ATXN7: variants seen among roughly 807,000 people sequenced by gnomAD.
The protein encoded by ATXN7 is ataxin 7, also known as ataxin-7.
ATXN7 carries 12 observed loss-of-function variants against 70.5 expected under a neutral mutation model. The observed-to-expected ratio is 0.17, with a 90% confidence interval of 0.11 to 0.28. The LOEUF (loss-of-function observed/expected upper bound fraction) is 0.28. Ranked by LOEUF, ATXN7 falls within the 10% of genes least tolerant of loss-of-function variation. ATXN7 has a pLI of 1.00. For synonymous variants in ATXN7, 498 were observed against 448.7 expected (o/e 1.11, Z -1.39); for missense variants, 1,256 against 1,131.7 (o/e 1.11, Z -1.58).
chr3:63,867,664 G>C (rs1702474679), intron 1 of ATXN7, among the ~76,000 whole-genome samples: 1 of 151,122 alleles, frequency 6.6e-6, no homozygotes. Context: ...GAGGCGGGTG[G>C]ATCATTTGAG....
intron 4 of ATXN7, among the ~76,000 whole-genome samples, chr3:63,949,171 CT>C (rs2074913505): frequency 1.3e-5 from 2 of 151,842 alleles, no homozygotes; most frequent in Admixed American, 1.3e-4. Flanking sequence ...TATTTCATTT[CT>C]TTCTGTTGCC....
Position 64,000,406 on chromosome 3 carries a change from G to T in ATXN7, c.*939G>T, listed in dbSNP as rs1008401155. 1 of 152,410 alleles carries T rather than the reference G, an allele frequency of 6.6e-6. No individual in the cohort carries two copies. The highest frequency in any genetic ancestry group is 1.5e-5 in the Non-Finnish European group (1 of 67,976). 9.4% of individuals were successfully genotyped at this position (152,410 alleles called of 1,614,324 possible). ...TCATAGTAAACAGTATGGCAGATTG[G>T]GTTGGTTGTCCTACCTGGTCTATTT... On this transcript the variant is annotated 3_prime_UTR_variant, in exon 13 of 13. Coordinates refer to ENST00000674280, the MANE Select transcript of ATXN7 (RefSeq NM_001377405.1).
At chr3:63,883,548 AAAAC>A (rs1702983288) in intron 1 of ATXN7, among the ~76,000 whole-genome samples, 1 of 152,198 alleles carries the variant, frequency 6.6e-6, no homozygotes, top group Non-Finnish European at 1.5e-5. Context: ...ATTAAAAAAA[AAAAC>A]AAACTAGTTG....
rs1445612378 is a variant in ATXN7 at position 63,995,968 on chromosome 3, C to A, written c.2146C>A (p.His716Asn). Residue 716 changes from histidine (H) to asparagine (N), a missense_variant, in exon 12 of 13, where the codon CAC (histidine) becomes AAC (asparagine). Coordinates refer to ENST00000674280, the MANE Select transcript of ATXN7 (RefSeq NM_001377405.1). ...KRKNSSPLLV[H>N]SSSSSSSSSS... Reference sequence around the variant, plus strand: ...CAAAAACAGTTCCCCACTGTTGGTTCACTCTTCCTCCTCCTCTTCCTCCTC... The same window carrying A: ...CAAAAACAGTTCCCCACTGTTGGTTAACTCTTCCTCCTCCTCTTCCTCCTC... 2 of 1,614,006 alleles carry A rather than the reference C, an allele frequency of 1.2e-6. No individual in the cohort carries two copies. Among genetic ancestry groups the A allele is most frequent in the Non-Finnish European group, 1.7e-6 (2 of 1,179,978 alleles).
intron 11 of ATXN7, among the ~76,000 whole-genome samples, chr3:63,993,032 G>A (rs1198268671): frequency 6.6e-6 from 1 of 152,160 alleles, no homozygotes; most frequent in Non-Finnish European, 1.5e-5. Context: ...CAGGGTTATT[G>A]TGGTAAAATT....
intron 4 of ATXN7, among the ~76,000 whole-genome samples, chr3:63,930,247 C>T (rs1317561078): frequency 3.9e-5 from 6 of 152,086 alleles, no homozygotes; most frequent in African/African-American, 7.2e-5. Context: ...TATTTTTATT[C>T]CCAAATCCCC....
chr3:63,962,582 T>A (rs2075148258), intron 5 of ATXN7, among the ~76,000 whole-genome samples: 1 of 151,910 alleles, frequency 6.6e-6, no homozygotes, highest in South Asian at 2.1e-4. Flanking sequence ...TTTGTGCATT[T>A]TTAGTAGAGA....
intron 4 of ATXN7, among the ~76,000 whole-genome samples, chr3:63,925,796 G>A (rs950943854): frequency 3.3e-5 from 5 of 152,332 alleles, no homozygotes; most frequent in African/African-American, 7.2e-5. Context: ...TGGAAGAGGC[G>A]AATGGGGAGA....
At chr3:63,976,404 C>G (rs1175146704) in intron 5 of ATXN7, among the ~76,000 whole-genome samples, 2 of 152,210 alleles carry the variant, frequency 1.3e-5, no homozygotes, top group Admixed American at 1.3e-4. Flanking sequence ...ATCTCAGTTA[C>G]TTACACACAC....
At chr3:63,961,346 C>T (rs1005981020) in intron 5 of ATXN7, among the ~76,000 whole-genome samples, 1 of 152,142 alleles carries the variant, frequency 6.6e-6, no homozygotes, top group African/African-American at 2.4e-5. Flanking sequence ...AACCTGACTC[C>T]TGTTGATGGA....
At chr3:63,990,103 T>A (rs947303369) in intron 9 of ATXN7, 73 bp from the exon 10 acceptor site, 4 of 1,455,864 alleles carry the variant, frequency 2.7e-6, no homozygotes, top group Non-Finnish European at 2.9e-6. Flanking sequence ...TTGGACACAC[T>A]GTTGTATCTC....
chr3:63,921,449 G>A (rs1481408347), intron 4 of ATXN7, among the ~76,000 whole-genome samples: 3 of 152,188 alleles, frequency 2.0e-5, no homozygotes, highest in Non-Finnish European at 4.4e-5. Context: ...CCTCAAAAAA[G>A]TATGAGAACA....
At chr3:63,899,588 A>G (rs1703553336) in intron 2 of ATXN7, among the ~76,000 whole-genome samples, 1 of 151,994 alleles carries the variant, frequency 6.6e-6, no homozygotes, top group Admixed American at 6.5e-5. Flanking sequence ...TCTGGCCAAC[A>G]TAGCTACACC....
intron 4 of ATXN7, among the ~76,000 whole-genome samples, chr3:63,945,430 G>A (rs936383610): frequency 1.8e-4 from 28 of 152,288 alleles, no homozygotes; most frequent in African/African-American, 6.7e-4. Flanking sequence ...CTGCCTCTAG[G>A]TATAAAATGT....
chr3:63,943,031 TAATG>T (rs1433374847), intron 4 of ATXN7, among the ~76,000 whole-genome samples: 1 of 152,194 alleles, frequency 6.6e-6, no homozygotes, highest in Non-Finnish European at 1.5e-5. Context: ...GTTTAAATCT[TAATG>T]AAGGAGATAG....
intron 12 of ATXN7, chr3:63,997,730 C>T (rs2075783141): frequency 6.5e-7 from 1 of 1,546,968 alleles, no homozygotes; most frequent in East Asian, 2.4e-5. Context: ...TCCTCGTCTT[C>T]AGAACTTAAC....
At chr3:63,993,900 C>T (rs943979908) in intron 11 of ATXN7, among the ~76,000 whole-genome samples, 51 of 152,134 alleles carry the variant, frequency 3.4e-4, no homozygotes, top group African/African-American at 1.2e-3. Context: ...GCCTTGTTGC[C>T]ATGCAGCTTC....
chr3:63,955,590 T>G (rs1231737905), intron 5 of ATXN7, among the ~76,000 whole-genome samples: 10 of 152,196 alleles, frequency 6.6e-5, no homozygotes, highest in Non-Finnish European at 1.5e-4. Context: ...AAAGATTATT[T>G]TTGGTACATT....
rs34396635 is a variant in ATXN7 at position 63,899,061 on chromosome 3, C to CTT, written c.-12+574_-12+575dup. Among the ~76,000 whole-genome samples the CTT allele has an allele frequency of 5.1e-3, 748 of 147,458 alleles. 6 individuals carry two copies. Among genetic ancestry groups the CTT allele is most frequent in the African/African-American group, 0.015 (603 of 40,088 alleles). The stretch of plus-strand genomic sequence containing the variant: ...ATAGCAGCCATCATTAATGGAGTGT[C>CTT]TTTTTTTTTTTCTTTTTTTGAGACA... On this transcript the variant is annotated intron_variant, in intron 2 of 12. Transcript: ENST00000674280.
Sources: gnomAD v4.1 joint callset for allele counts (sites outside exome capture counted in the v4.1 genomes callset) on GRCh38, gnomAD v4.1.1 for gene constraint, MANE v1.5 for transcripts, NCBI Gene and HGNC (gene_info 2026-07-23, HGNC 2026-07-21) for gene names.